Variants in COMMD7 observed in about 807,000 individuals in gnomAD.
COMMD7 encodes COMM domain-containing protein 7.
Under a neutral mutation model 34.8 loss-of-function variants are expected in COMMD7, and 28 were observed. The observed-to-expected ratio is 0.80, with a 90% CI of 0.60 to 1.10. The LOEUF (loss-of-function observed/expected upper bound fraction) is 1.10, where lower values mean the gene tolerates loss of function less well. Among genes scored for constraint, COMMD7 ranks in the 50% least tolerant of loss-of-function variants. COMMD7 has a pLI of 0.00. For synonymous variants in COMMD7, 80 were observed against 86.4 expected (o/e 0.93, Z 0.41); for missense variants, 211 against 241.6 (o/e 0.87, Z 0.84).
At position 32,743,439 on chromosome 20, in the gene COMMD7, C is replaced by CAGG. The variant is rs1280570957; in HGVS notation, c.-49_-48insCCT. 2 of 1,248,224 alleles carry CAGG rather than the reference C, an allele frequency of 1.6e-6. No homozygotes were observed. The highest frequency in any genetic ancestry group is 1.6e-5 in the African/African-American group (1 of 63,150). The allele number at this position is 1,248,224 out of a possible 1,614,324, so 77.3% of individuals were successfully genotyped here. On this transcript the variant is annotated 5_prime_UTR_variant, in exon 1 of 9. Transcript: ENST00000278980. ...GTTCCACCGCCGCCGCCGCCCTGCT[C>CAGG]AGCTTCCTCCTCCGCTGCCGCTGCC...
At chr20:32,736,018 T>C (rs1986115711) in intron 1 of COMMD7, among the ~76,000 whole-genome samples, 1 of 152,140 alleles carries the variant, frequency 6.6e-6, no homozygotes, top group Non-Finnish European at 1.5e-5. Flanking sequence ...AAAGGGCACA[T>C]CTATGTGCAA....
At position 32,703,170 on chromosome 20, in the gene COMMD7, G is replaced by T; in HGVS notation, c.*212C>A. 2.4e-6 allele frequency: 1 copy of T among 414,532 alleles called. No individual in the cohort carries two copies. The highest frequency in any genetic ancestry group is 4.1e-5 in the Admixed American group (1 of 24,658). The allele number at this position is 414,532 out of a possible 1,614,324, so 25.7% of individuals were successfully genotyped here. The stretch of plus-strand genomic sequence containing the variant: ...TCCTGGAAGACAGGTGGTGGTGGTT[G>T]CCCTAACAGAGAGTTTACAGGGTAA... On this transcript the variant is annotated 3_prime_UTR_variant, in exon 9 of 9. Coordinates refer to ENST00000278980, the MANE Select transcript of COMMD7 (RefSeq NM_053041.3).
chr20:32,742,865 C>T (rs998709588), intron 1 of COMMD7, among the ~76,000 whole-genome samples: 4 of 152,140 alleles, frequency 2.6e-5, no homozygotes, highest in Non-Finnish European at 5.9e-5. Context: ...GCTTCCTCGG[C>T]CTCCCTGCCA....
At chr20:32,717,215 G>T (rs946060356) in intron 3 of COMMD7, among the ~76,000 whole-genome samples, 7 of 152,044 alleles carry the variant, frequency 4.6e-5, no homozygotes, top group Non-Finnish European at 1.0e-4. Flanking sequence ...GAGGGCAGTG[G>T]TGTAATCATG....
At chr20:32,729,169 T>A (rs2145767339) in intron 1 of COMMD7, among the ~76,000 whole-genome samples, 1 of 131,956 alleles carries the variant, frequency 7.6e-6, no homozygotes, top group South Asian at 2.2e-4. Context: ...TTATTTTGAT[T>A]TTTTTTTTTT....
intron 5 of COMMD7, among the ~76,000 whole-genome samples, chr20:32,705,371 TATA>T (rs748205694): frequency 1.0e-4 from 10 of 96,022 alleles, no homozygotes; most frequent in Admixed American, 2.0e-4. Flanking sequence ...TATATATATA[TATA>T]TATTTTTTTT....
chr20:32,717,998 A>C (rs759951580), intron 3 of COMMD7, among the ~76,000 whole-genome samples: 7 of 151,500 alleles, frequency 4.6e-5, no homozygotes, highest in Non-Finnish European at 1.0e-4. Flanking sequence ...CTGAGGCAGG[A>C]GAATCATTTG....
chr20:32,730,801 G>A (rs368464885), intron 1 of COMMD7, among the ~76,000 whole-genome samples: 3 of 152,020 alleles, frequency 2.0e-5, no homozygotes, highest in African/African-American at 4.8e-5. Context: ...CAGGCTGGAC[G>A]CTAAACAAAT....
At chr20:32,736,463 G>A (rs992716924) in intron 1 of COMMD7, among the ~76,000 whole-genome samples, 4 of 151,134 alleles carry the variant, frequency 2.6e-5, no homozygotes, top group Admixed American at 6.6e-5. Context: ...AAGGTCAGGC[G>A]ATTGAGACCA....
chr20:32,707,001 C>T (rs902687947), intron 3 of COMMD7, among the ~76,000 whole-genome samples: 5 of 151,008 alleles, frequency 3.3e-5, no homozygotes, highest in Admixed American at 6.6e-5. Flanking sequence ...TTGCCGGGCA[C>T]GGTAGCTCAA....
intron 1 of COMMD7, among the ~76,000 whole-genome samples, chr20:32,740,778 C>T (rs1461443252): frequency 7.2e-6 from 1 of 138,054 alleles, no homozygotes; most frequent in African/African-American, 2.8e-5. Context: ...ATCAAGGCTA[C>T]AGTGAGCAAT....
chr20:32,707,235 G>C (rs1282288827), intron 3 of COMMD7, among the ~76,000 whole-genome samples: 2 of 146,418 alleles, frequency 1.4e-5, no homozygotes, highest in African/African-American at 5.0e-5. Flanking sequence ...AGTGAGCCGA[G>C]ATCACGCCAC....
chr20:32,708,981 A>C (rs1391785897), intron 3 of COMMD7, among the ~76,000 whole-genome samples: 1 of 151,988 alleles, frequency 6.6e-6, no homozygotes, highest in East Asian at 1.9e-4. Context: ...TATTATTTTA[A>C]CTTAGTTTAC....
chr20:32,732,862 G>A (rs1985918137), intron 1 of COMMD7, among the ~76,000 whole-genome samples: 1 of 151,942 alleles, frequency 6.6e-6, no homozygotes, highest in Admixed American at 6.6e-5. Context: ...CATGAACCTG[G>A]GAGGTGGAGC....
Position 32,710,588 on chromosome 20 carries a change from G to T in COMMD7, c.242-3828C>A, listed in dbSNP as rs892016744. 5.6e-4 allele frequency among the ~76,000 whole-genome samples: 85 copies of T among 151,884 alleles called. 1 individual carries two copies. The highest frequency in any genetic ancestry group is 2.0e-3 in the African/African-American group (83 of 41,354). On this transcript the variant is annotated intron_variant, in intron 3 of 8. Coordinates refer to ENST00000278980, the MANE Select transcript of COMMD7 (RefSeq NM_053041.3). ...TCTACAAAATAAAAAAATTAGCAAG[G>T]TATAGTGGCACAGGCCTGTGGTCCC... is the stretch of plus-strand genomic sequence containing the variant.
At chr20:32,711,732 G>A (rs973603302) in intron 3 of COMMD7, among the ~76,000 whole-genome samples, 1 of 151,472 alleles carries the variant, frequency 6.6e-6, no homozygotes, top group Non-Finnish European at 1.5e-5. Context: ...GCTTTTTCCT[G>A]TGGTGATTCC....
At chr20:32,735,326 T>C (rs1324481179) in intron 1 of COMMD7, among the ~76,000 whole-genome samples, 2 of 151,916 alleles carry the variant, frequency 1.3e-5, no homozygotes, top group African/African-American at 4.8e-5. Flanking sequence ...CTATTTTTTG[T>C]TTGTTTTTTG....
intron 1 of COMMD7, among the ~76,000 whole-genome samples, chr20:32,729,847 CA>C (rs1292489527): frequency 7.9e-6 from 1 of 126,044 alleles, no homozygotes; most frequent in Non-Finnish European, 1.8e-5. Context: ...TCTACTAAAA[CA>C]AAAAACAAAA....
chr20:32,709,155 A>C (rs2145716613), intron 3 of COMMD7, among the ~76,000 whole-genome samples: 1 of 151,850 alleles, frequency 6.6e-6, no homozygotes, highest in South Asian at 2.1e-4. Flanking sequence ...TCATGGAGAG[A>C]CCAGGCACGG....
Sources: gnomAD v4.1 joint callset for allele counts (sites outside exome capture counted in the v4.1 genomes callset) on GRCh38, gnomAD v4.1.1 for gene constraint, MANE v1.5 for transcripts, NCBI Gene and HGNC (gene_info 2026-07-23, HGNC 2026-07-21) for gene names.